SYNPO2: variants seen among roughly 807,000 people sequenced by gnomAD.
The protein encoded by SYNPO2 is synaptopodin 2.
In SYNPO2, 56 loss-of-function variants were observed where a neutral mutation model predicts 85.0. That is an observed-to-expected ratio of 0.66 (90% confidence interval 0.53 to 0.82). SYNPO2 has a LOEUF of 0.82. Ranked by LOEUF, SYNPO2 falls within the 40% of genes least tolerant of loss-of-function variation. The probability of loss-of-function intolerance (pLI) is 0.00; values close to 1 mark genes in which losing one functional copy is unlikely to be tolerated. For synonymous variants in SYNPO2, 602 were observed against 591.1 expected (o/e 1.02, Z -0.27); for missense variants, 1,575 against 1,534.2 (o/e 1.03, Z -0.44).
chr4:119,030,288 A>T lies in SYNPO2; in HGVS notation c.1513A>T (p.Ile505Phe). 1 of 1,614,076 alleles carries T rather than the reference A, an allele frequency of 6.2e-7. No individual in the cohort carries two copies. Among genetic ancestry groups the T allele is most frequent in the Non-Finnish European group, 8.5e-7 (1 of 1,180,016 alleles). ...CAAGAGGAGGGAGAGAATGGATCAGATCACAGCCCAAAAAGAAGAGGACAA... is the reference window on the plus strand; with the variant it reads ...CAAGAGGAGGGAGAGAATGGATCAGTTCACAGCCCAAAAAGAAGAGGACAA... ...FAKRRERMDQ[I>F]TAQKEEDKVG... The change falls in exon 4 of 5, where the codon ATC (isoleucine) becomes TTC (phenylalanine). Residue 505 changes from isoleucine to phenylalanine, a missense_variant. Ile to Phe is a conservative substitution (Grantham distance 21). Around this residue, in one of 3 missense-constraint regions of SYNPO2, gnomAD observed 1,508 missense variants for 1,446.8 expected, o/e 1.04. Transcript: ENST00000307142.
intron 1 of SYNPO2, among the ~76,000 whole-genome samples, chr4:118,890,883 C>T (rs1018129235): frequency 6.6e-6 from 1 of 152,040 alleles, no homozygotes; most frequent in African/African-American, 2.4e-5. Flanking sequence ...GTTTTAGAAT[C>T]GCTTGCCTAC....
chr4:118,971,681 G>A (rs908411197), intron 1 of SYNPO2, among the ~76,000 whole-genome samples: 8 of 152,330 alleles, frequency 5.3e-5, no homozygotes, highest in Admixed American at 4.6e-4. Flanking sequence ...ACAAGTGAGC[G>A]CATCATCTGT....
chr4:118,865,685 A>G (rs1158571051), intron 1 of SYNPO2, among the ~76,000 whole-genome samples: 1 of 152,216 alleles, frequency 6.6e-6, no homozygotes, highest in Non-Finnish European at 1.5e-5. Context: ...TACTCTTTCA[A>G]AACTTTGGAA....
At chr4:118,876,720 TC>T (rs1560813085) in intron 1 of SYNPO2, among the ~76,000 whole-genome samples, 28 of 135,572 alleles carry the variant, frequency 2.1e-4, no homozygotes, top group East Asian at 4.4e-4. Context: ...TTTCTTTCTT[TC>T]TTTCTTTCTT....
At chr4:119,005,700 T>C (rs1244538661) in intron 1 of SYNPO2, among the ~76,000 whole-genome samples, 1 of 152,132 alleles carries the variant, frequency 6.6e-6, no homozygotes, top group Non-Finnish European at 1.5e-5. Context: ...AGGATTGACT[T>C]GGTGATGTGG....
intron 1 of SYNPO2, among the ~76,000 whole-genome samples, chr4:118,860,492 C>T (rs1560799910): frequency 6.6e-6 from 1 of 151,818 alleles, no homozygotes; most frequent in Non-Finnish European, 1.5e-5. Flanking sequence ...GATGCACTTG[C>T]CTTGGTCTCC....
At chr4:119,046,255 C>T (rs562344556) in intron 4 of SYNPO2, among the ~76,000 whole-genome samples, 1 of 152,300 alleles carries the variant, frequency 6.6e-6, no homozygotes, top group East Asian at 1.9e-4. Context: ...ACACATTCCT[C>T]CTTCATGTTG....
Position 119,057,966 on chromosome 4 carries a change from A to T in SYNPO2, c.*32A>T. On this transcript the variant is annotated 3_prime_UTR_variant, in exon 5 of 5. Transcript: ENST00000307142. ...GAAGAACGGATCATGTGCCAACTGT[A>T]GTTTTTTAAAAAAAACGCTCCTTTG... 1.3e-6 allele frequency: 2 copies of T among 1,558,920 alleles called. No individual in the cohort carries two copies. The highest frequency in any genetic ancestry group is 8.6e-7 in the Non-Finnish European group (1 of 1,160,928).
At chr4:119,039,136 CCACTCTAAG>C (rs1738628870) in intron 4 of SYNPO2, among the ~76,000 whole-genome samples, 1 of 152,114 alleles carries the variant, frequency 6.6e-6, no homozygotes, top group South Asian at 2.1e-4. Flanking sequence ...GTGCTAGGTA[CCACTCTAAG>C]CACTTTTTTG....
In SYNPO2 at chr4:119,045,483, G is replaced by A. The variant is rs531286354; in HGVS notation, c.3253-11918G>A. Among the ~76,000 whole-genome samples the A allele has an allele frequency of 3.3e-5, 5 of 152,140 alleles. No individual in the cohort carries two copies. The East Asian group carries it at 9.7e-4, about 29-fold the overall frequency. On this transcript the variant is annotated intron_variant, in intron 4 of 4. Coordinates refer to ENST00000307142, the MANE Select transcript of SYNPO2 (RefSeq NM_133477.3). ...CAAAAACCCAAAAAACTCCCACAAG[G>A]TCAAAAGATTGTTTATTTTAAACAA...
intron 1 of SYNPO2, among the ~76,000 whole-genome samples, chr4:118,899,365 C>G (rs1307013476): frequency 6.6e-6 from 1 of 152,048 alleles, no homozygotes; most frequent in Non-Finnish European, 1.5e-5. Context: ...ATTTTCTTGA[C>G]AATACAAAAT....
chr4:118,982,064 T>C (rs1301419788), intron 1 of SYNPO2, among the ~76,000 whole-genome samples: 1 of 152,072 alleles, frequency 6.6e-6, no homozygotes, highest in Non-Finnish European at 1.5e-5. Flanking sequence ...ATCACTGTAG[T>C]TCAGGGAATA....
intron 1 of SYNPO2, among the ~76,000 whole-genome samples, chr4:118,955,211 G>C (rs1734833677): frequency 6.6e-6 from 1 of 152,084 alleles, no homozygotes; most frequent in Non-Finnish European, 1.5e-5. Flanking sequence ...TGTTGGCCAG[G>C]CTGGTCTCAA....
intron 1 of SYNPO2, among the ~76,000 whole-genome samples, chr4:118,876,677 CT>C (rs1158484992): frequency 1.0e-4 from 2 of 19,318 alleles, no homozygotes; most frequent in African/African-American, 4.5e-4. Context: ...CTCTTTCTTT[CT>C]TTCTTTCTTT....
In SYNPO2 at chr4:119,017,031, A is replaced by C. The variant is rs532653132; in HGVS notation, c.106-6399A>C. 3.9e-5 allele frequency among the ~76,000 whole-genome samples: 6 copies of C among 152,270 alleles called. No individual in the cohort carries two copies. The East Asian group carries it at 9.6e-4, about 24-fold the overall frequency. ...TCCAAAAGAAAACGTTTTTGTCTGGATATATCTTGGTGACAAGAGGAAGAA... is the reference window on the plus strand; with the variant it reads ...TCCAAAAGAAAACGTTTTTGTCTGGCTATATCTTGGTGACAAGAGGAAGAA... On this transcript the variant is annotated intron_variant, in intron 1 of 4. Transcript: ENST00000307142.
chr4:118,906,998 A>G (rs377678765), intron 1 of SYNPO2, among the ~76,000 whole-genome samples: 8 of 150,754 alleles, frequency 5.3e-5, no homozygotes, highest in African/African-American at 2.0e-4. Context: ...TATTTTTTGT[A>G]GAGACAGGGT....
chr4:118,946,823 A>G (rs1423673089), intron 1 of SYNPO2, among the ~76,000 whole-genome samples: 1 of 152,216 alleles, frequency 6.6e-6, no homozygotes. Flanking sequence ...AGTGCTTGAG[A>G]GAATGCTATG....
rs1456234720 is a variant in SYNPO2 at position 119,037,183 on chromosome 4, T to C, written c.3252+5156T>C. 3 of 1,545,156 alleles carry C rather than the reference T, an allele frequency of 1.9e-6. No homozygotes were observed. The South Asian group carries it at 3.6e-5, about 19-fold the overall frequency. ...ACTTCCCAGCCTACCTTTCTTCCTCTACCTGATAATGATAATACTCAAAAT... is the reference window on the plus strand; with the variant it reads ...ACTTCCCAGCCTACCTTTCTTCCTCCACCTGATAATGATAATACTCAAAAT... On this transcript the variant is annotated intron_variant, in intron 4 of 4. Coordinates refer to ENST00000307142, the MANE Select transcript of SYNPO2 (RefSeq NM_133477.3).
chr4:118,939,712 C>A (rs974808808), intron 1 of SYNPO2, among the ~76,000 whole-genome samples: 2 of 152,136 alleles, frequency 1.3e-5, no homozygotes, highest in African/African-American at 2.4e-5. Context: ...AATTTTGAAT[C>A]TTTCTGAAAT....
Sources: allele counts gnomAD v4.1 joint callset (sites outside exome capture counted in the v4.1 genomes callset), GRCh38; gene constraint gnomAD v4.1.1; regional missense constraint gnomAD v4.1.1; transcripts MANE v1.5; gene names NCBI Gene and HGNC (gene_info 2026-07-23, HGNC 2026-07-21).